The following INPP4B variants were observed in gnomAD, a reference collection of about 807,000 sequenced individuals.
INPP4B encodes the protein inositol polyphosphate-4-phosphatase type II B.
INPP4B carries 55 observed loss-of-function variants against 122.5 expected under a neutral mutation model. That is an observed-to-expected ratio of 0.45 (90% CI 0.36 to 0.56). The LOEUF is 0.56. Among genes scored for constraint, INPP4B ranks in the 20% least tolerant of loss-of-function variants. INPP4B has a pLI of 0.00. For missense variants in INPP4B, 1,000 were observed against 1,097.7 expected, an observed-to-expected ratio of 0.91 and a Z score of 1.26; for synonymous variants, 403 against 388.7, an observed-to-expected ratio of 1.04 and a Z score of -0.43.
intron 11 of INPP4B, among the ~76,000 whole-genome samples, chr4:142,255,561 C>G: frequency 6.6e-6 from 1 of 152,216 alleles, no homozygotes; most frequent in South Asian, 2.1e-4. Context: ...ATCCTAGTTT[C>G]TGATAAAACA....
At chr4:142,668,893 CAA>C (rs1037665372) in intron 2 of INPP4B, among the ~76,000 whole-genome samples, 1 of 137,642 alleles carries the variant, frequency 7.3e-6, no homozygotes. Context: ...CTAGAAAATA[CAA>C]AAAAAAAAAA....
At chr4:142,192,997 A>T in intron 15 of INPP4B, 90 bp downstream of exon 15, 1 of 741,478 alleles carries the variant, frequency 1.3e-6, no homozygotes, top group Non-Finnish European at 2.4e-6. Context: ...AGAACTATAC[A>T]TTGTGATGGA....
chr4:142,283,764 C>T (rs867849012), intron 9 of INPP4B, among the ~76,000 whole-genome samples: 2 of 151,962 alleles, frequency 1.3e-5, no homozygotes, highest in South Asian at 4.2e-4. Context: ...TGATGCATCG[C>T]ATATAGGAAT....
intron 2 of INPP4B, among the ~76,000 whole-genome samples, chr4:142,547,940 C>T (rs1166751834): frequency 6.6e-6 from 1 of 152,086 alleles, no homozygotes; most frequent in African/African-American, 2.4e-5. Context: ...AATTTATTGC[C>T]ACCATGTTTT....
rs190092574 is a variant in INPP4B at position 142,361,520 on chromosome 4, A to C, written c.372+41418T>G. Among the ~76,000 whole-genome samples, 491 of 152,052 alleles carry C rather than the reference A, an allele frequency of 3.2e-3. 2 individuals are homozygous for C. The highest frequency in any genetic ancestry group is 5.6e-3 in the Non-Finnish European group (383 of 67,932). On this transcript the variant is annotated intron_variant, in intron 7 of 25. Transcript: ENST00000262992. ...AGATTTAGCTATCAGATTTCAGCCA[A>C]TGATGTGTAAGTGAATATATATGCT...
intron 15 of INPP4B, among the ~76,000 whole-genome samples, chr4:142,174,984 A>G (rs1267991828): frequency 2.0e-5 from 3 of 152,026 alleles, no homozygotes; most frequent in Non-Finnish European, 4.4e-5. Flanking sequence ...GATTCTTTAG[A>G]GTGAAGGAAT....
chr4:142,424,746 T>C (rs535918719), intron 5 of INPP4B, among the ~76,000 whole-genome samples: 5 of 152,170 alleles, frequency 3.3e-5, no homozygotes, highest in African/African-American at 9.6e-5. Context: ...GCTTTTACTT[T>C]CTTTCATCCC....
chr4:142,166,423 A>C (rs1822760217), intron 16 of INPP4B, among the ~76,000 whole-genome samples: 1 of 151,900 alleles, frequency 6.6e-6, no homozygotes, highest in Non-Finnish European at 1.5e-5. Context: ...GTAAAACCCA[A>C]AACTATAAAA....
chr4:142,547,785 T>C (rs1016190725), intron 2 of INPP4B, among the ~76,000 whole-genome samples: 1 of 152,178 alleles, frequency 6.6e-6, no homozygotes, highest in Non-Finnish European at 1.5e-5. Flanking sequence ...GTATTCTATT[T>C]TCTTATCTGT....
intron 2 of INPP4B, among the ~76,000 whole-genome samples, chr4:142,663,092 A>G (rs1755478221): frequency 6.6e-6 from 1 of 152,220 alleles, no homozygotes; most frequent in South Asian, 2.1e-4. Context: ...CAACTGAGAA[A>G]TTGAAAGACA....
intron 2 of INPP4B, among the ~76,000 whole-genome samples, chr4:142,622,454 A>G (rs1403554763): frequency 6.6e-6 from 1 of 151,950 alleles, no homozygotes; most frequent in Non-Finnish European, 1.5e-5. Flanking sequence ...GGAATTGGGC[A>G]GATAAAAGAG....
At chr4:142,372,180 C>G (rs571067134) in intron 7 of INPP4B, among the ~76,000 whole-genome samples, 1 of 151,936 alleles carries the variant, frequency 6.6e-6, no homozygotes, top group Admixed American at 6.6e-5. Flanking sequence ...ATAAGCCAGG[C>G]AAGAAAGACA....
rs537345318 is a variant in INPP4B at position 142,414,679 on chromosome 4, G to A, written c.137-9355C>T. Among the ~76,000 whole-genome samples, 24 of 152,244 alleles carry A rather than the reference G, an allele frequency of 1.6e-4. No homozygotes were observed. The East Asian group carries it at 2.5e-3, about 16-fold the overall frequency. On this transcript the variant is annotated intron_variant, in intron 5 of 25. Coordinates refer to ENST00000262992, the MANE Select transcript of INPP4B (RefSeq NM_001101669.3). The stretch of plus-strand genomic sequence containing the variant: ...TCTTGCTTTCATGAATATTACCTAG[G>A]TGGCTGAGACTCCATCCTCAAGCAA...
chr4:142,268,551 C>T (rs1744153215), intron 10 of INPP4B, among the ~76,000 whole-genome samples: 1 of 151,782 alleles, frequency 6.6e-6, no homozygotes. Flanking sequence ...GAGATATCTG[C>T]ACTCATGTTC....
intron 7 of INPP4B, among the ~76,000 whole-genome samples, chr4:142,339,832 A>T (rs1014576692): frequency 1.3e-5 from 2 of 152,144 alleles, no homozygotes; most frequent in African/African-American, 4.8e-5. Flanking sequence ...CATTGTATAG[A>T]TCTCTTATTT....
chr4:142,513,204 A>G (rs1263268536), intron 2 of INPP4B, among the ~76,000 whole-genome samples: 1 of 152,162 alleles, frequency 6.6e-6, no homozygotes, highest in African/African-American at 2.4e-5. Flanking sequence ...AAACAAAGAC[A>G]AGTGTCTTAG....
intron 25 of INPP4B, among the ~76,000 whole-genome samples, chr4:142,063,933 C>A (rs1205954754): frequency 6.6e-6 from 1 of 152,118 alleles, no homozygotes; most frequent in African/African-American, 2.4e-5. Context: ...GAAATCATAA[C>A]CTCTGTGGTG....
chr4:142,206,942 T>A (rs1363377117), intron 14 of INPP4B, among the ~76,000 whole-genome samples: 1 of 152,082 alleles, frequency 6.6e-6, no homozygotes, highest in East Asian at 1.9e-4. Context: ...TACCTTTGAC[T>A]AATACCTCCT....
At chr4:142,260,317 T>G (rs962821215) in intron 11 of INPP4B, among the ~76,000 whole-genome samples, 175 bp downstream of exon 11, 1 of 152,118 alleles carries the variant, frequency 6.6e-6, no homozygotes, top group African/African-American at 2.4e-5. Context: ...GCTAGTACAT[T>G]TATCTTTCCT....
Sources: gnomAD v4.1 joint callset for allele counts (sites outside exome capture counted in the v4.1 genomes callset) on GRCh38, gnomAD v4.1.1 for gene constraint, MANE v1.5 for transcripts, NCBI Gene and HGNC (gene_info 2026-07-23, HGNC 2026-07-21) for gene names.